ADAM18: variants seen among roughly 807,000 people sequenced by gnomAD.
ADAM18 encodes the protein disintegrin and metalloproteinase domain-containing protein 18.
ADAM18 carries 117 observed loss-of-function variants against 94.4 expected under a neutral mutation model. The observed-to-expected ratio is 1.24, with a 90% confidence interval of 1.07 to 1.45. ADAM18 has a LOEUF of 1.45. Among genes scored for constraint, ADAM18 ranks in the 40% most tolerant of loss-of-function variants. The pLI is 0.00. For missense variants in ADAM18, 936 were observed against 880.0 expected (o/e 1.06, Z -0.81); for synonymous variants, 327 against 291.6 (o/e 1.12, Z -1.24).
chr8:39,649,822 C>CT (rs35441444), intron 12 of ADAM18, among the ~76,000 whole-genome samples: 100,197 of 151,774 alleles, frequency 0.66, 34,554 homozygotes, highest in Middle Eastern at 0.78. Context: ...TTCCTTTCTC[C>CT]TTGTGAGGAA....
At chr8:39,622,028 C>G (rs1819629709) in intron 6 of ADAM18, among the ~76,000 whole-genome samples, 2 of 152,114 alleles carry the variant, frequency 1.3e-5, no homozygotes, top group South Asian at 4.1e-4. Context: ...CACCATGGCA[C>G]ATGTTTACCT....
intron 15 of ADAM18, 132 bp downstream of exon 15, chr8:39,677,668 T>C (rs1821336979): frequency 1.9e-5 from 12 of 621,718 alleles, no homozygotes; most frequent in Non-Finnish European, 2.9e-5. Flanking sequence ...CATATATTTT[T>C]TCTATGAAAT....
intron 11 of ADAM18, among the ~76,000 whole-genome samples, chr8:39,646,394 A>T (rs1563289369): frequency 6.6e-6 from 1 of 152,200 alleles, no homozygotes; most frequent in Non-Finnish European, 1.5e-5. Flanking sequence ...AAAACAATTA[A>T]AATAATCAGG....
rs7830494 is a variant in ADAM18 at position 39,646,222 on chromosome 8, T to A, written c.1046+748T>A. On this transcript the variant is annotated intron_variant, in intron 11 of 19. Coordinates refer to ENST00000265707, the MANE Select transcript of ADAM18 (RefSeq NM_014237.3). ...TGCTATCTGAGACGATTGTCTAACA[T>A]AGTGCTATAGTGCTGTCTAATACAT... 6.0e-3 allele frequency among the ~76,000 whole-genome samples: 916 copies of A among 152,280 alleles called. 5 individuals carry two copies. Among genetic ancestry groups the A allele is most frequent in the African/African-American group, 0.021 (871 of 41,568 alleles).
intron 11 of ADAM18, 117 bp from the exon 12 acceptor site, chr8:39,648,227 T>C: frequency 1.5e-6 from 1 of 659,474 alleles, no homozygotes; most frequent in Non-Finnish European, 2.4e-6. Context: ...GAATCTCTGC[T>C]AAAGTATAAA....
chr8:39,592,285 G>GT (rs952873817), intron 2 of ADAM18, among the ~76,000 whole-genome samples: 1 of 152,086 alleles, frequency 6.6e-6, no homozygotes. Context: ...TCTATTTTTA[G>GT]TTTTTTGATG....
At chr8:39,671,437 C>G (rs1389736511) in intron 14 of ADAM18, among the ~76,000 whole-genome samples, 2 of 152,108 alleles carry the variant, frequency 1.3e-5, no homozygotes. Context: ...GTCTAGAGGG[C>G]CTCTGCTAAC....
At chr8:39,717,091 TTG>T (rs1283711207) in intron 18 of ADAM18, among the ~76,000 whole-genome samples, 1 of 151,812 alleles carries the variant, frequency 6.6e-6, no homozygotes, top group African/African-American at 2.4e-5. Context: ...ATTACTCTTT[TTG>T]TGTGTGTGAA....
intron 19 of ADAM18, among the ~76,000 whole-genome samples, chr8:39,724,699 C>T (rs1334455110): frequency 2.0e-5 from 3 of 151,834 alleles, no homozygotes; most frequent in South Asian, 2.1e-4. Context: ...CATTTAAATC[C>T]GTAAATTTTC....
In ADAM18 at chr8:39,636,040, AGG is replaced by A. The variant is rs376491964; in HGVS notation, c.589-1220_589-1219del. 3.1e-3 allele frequency among the ~76,000 whole-genome samples: 450 copies of A among 142,996 alleles called. 9 individuals carry two copies. Among genetic ancestry groups the A allele is most frequent in the African/African-American group, 9.4e-3 (364 of 38,654 alleles). 93.8% of individuals were successfully genotyped at this position (142,996 alleles called of 152,430 possible). On this transcript the variant is annotated intron_variant, in intron 7 of 19. Coordinates refer to ENST00000265707, the MANE Select transcript of ADAM18 (RefSeq NM_014237.3). ...TTTTTTTTGAGAGAGAGAGAGAGAG[AGG>A]GGGCCTCACTCTCTCATGCAGCCTG...
intron 12 of ADAM18, among the ~76,000 whole-genome samples, chr8:39,653,443 C>T (rs1820595159): frequency 6.6e-6 from 1 of 151,870 alleles, no homozygotes; most frequent in African/African-American, 2.4e-5. Context: ...ACAAATTATC[C>T]TAAAATTGTA....
intron 19 of ADAM18, among the ~76,000 whole-genome samples, chr8:39,724,153 A>G (rs1273945203): frequency 6.6e-6 from 1 of 151,740 alleles, no homozygotes; most frequent in Non-Finnish European, 1.5e-5. Context: ...ACTAGGTCAG[A>G]AAAGAATATA....
intron 6 of ADAM18, among the ~76,000 whole-genome samples, chr8:39,622,789 T>A (rs1230284289): frequency 1.3e-5 from 2 of 152,100 alleles, no homozygotes; most frequent in African/African-American, 4.8e-5. Context: ...GATAAAAGAT[T>A]TAGAGGAGTC....
intron 16 of ADAM18, among the ~76,000 whole-genome samples, chr8:39,690,129 G>A (rs1821730544): frequency 6.6e-6 from 1 of 152,178 alleles, no homozygotes; most frequent in Non-Finnish European, 1.5e-5. Flanking sequence ...GGTCCTTTGA[G>A]GTTGAGCTCC....
chr8:39,654,365 T>A (rs1170165180), intron 12 of ADAM18, among the ~76,000 whole-genome samples: 1 of 151,352 alleles, frequency 6.6e-6, no homozygotes, highest in Admixed American at 6.6e-5. Flanking sequence ...CCGCCGCACC[T>A]GGCTGATTTC....
intron 2 of ADAM18, among the ~76,000 whole-genome samples, chr8:39,601,694 A>G (rs1455049762): frequency 6.6e-6 from 1 of 152,198 alleles, no homozygotes; most frequent in Non-Finnish European, 1.5e-5. Context: ...CATAAGATAA[A>G]ATATACCACT....
At chr8:39,585,656 C>T (rs1056933737) in intron 2 of ADAM18, among the ~76,000 whole-genome samples, 2 of 152,044 alleles carry the variant, frequency 1.3e-5, no homozygotes, top group African/African-American at 4.8e-5. Flanking sequence ...GTTCAGCCAA[C>T]AAATTAACAA....
At chr8:39,708,532 A>C (rs1395901451) in intron 18 of ADAM18, among the ~76,000 whole-genome samples, 1 of 152,224 alleles carries the variant, frequency 6.6e-6, no homozygotes, top group Non-Finnish European at 1.5e-5. Context: ...AAAATCAATC[A>C]CATTTTGAGT....
intron 10 of ADAM18, among the ~76,000 whole-genome samples, chr8:39,638,856 C>T (rs1207361976): frequency 1.3e-5 from 2 of 151,850 alleles, no homozygotes; most frequent in Non-Finnish European, 2.9e-5. Flanking sequence ...AAGCCTCCTG[C>T]ACATTTCCTC....
Sources: gnomAD v4.1 joint callset for allele counts (sites outside exome capture counted in the v4.1 genomes callset) on GRCh38, gnomAD v4.1.1 for gene constraint, MANE v1.5 for transcripts, NCBI Gene and HGNC (gene_info 2026-07-23, HGNC 2026-07-21) for gene names.